DNAH11: variants seen among roughly 807,000 people sequenced by gnomAD.
DNAH11 encodes dynein axonemal heavy chain 11.
DNAH11 carries 442 observed loss-of-function variants against 526.0 expected under a neutral mutation model. The observed-to-expected ratio is 0.84, with a 90% CI of 0.78 to 0.91. The LOEUF is 0.91. Ranked by LOEUF, DNAH11 falls within the 40% of genes least tolerant of loss-of-function variation. The probability of loss-of-function intolerance (pLI) is 0.00; values close to 1 mark genes in which losing one functional copy is unlikely to be tolerated. For missense variants in DNAH11, 6,989 were observed against 5,448.7 expected (o/e 1.28, Z -8.90); for synonymous variants, 2,461 against 1,935.9 (o/e 1.27, Z -7.12).
In DNAH11 at chr7:21,683,936, AAC is replaced by A; in HGVS notation, c.5614_5615del (p.Thr1872Ter). 1 of 1,613,082 alleles carries A rather than the reference AAC, an allele frequency of 6.2e-7. No homozygotes were observed. The highest frequency in any genetic ancestry group is 8.5e-7 in the Non-Finnish European group (1 of 1,179,382). The stretch of plus-strand genomic sequence containing the variant: ...GCCCTCGACTAGTGATCACTCCTCT[AAC>A]TGACAGGTAACAATTCAAAGTTTCC... ...NSPRLVITPL[T>X]DRCYITLTQS... On this transcript the variant is annotated frameshift_variant, in exon 32 of 82. Transcript: ENST00000409508. LOFTEE classifies it high-confidence loss of function.
intron 61 of DNAH11, among the ~76,000 whole-genome samples, chr7:21,789,663 C>G (rs946230689): frequency 1.3e-5 from 2 of 152,072 alleles, no homozygotes; most frequent in Admixed American, 1.3e-4. Flanking sequence ...TATCTTGGCT[C>G]CACTGTTTAC....
At chr7:21,625,830 C>T (rs866834315) in intron 25 of DNAH11, among the ~76,000 whole-genome samples, 1 of 151,994 alleles carries the variant, frequency 6.6e-6, no homozygotes, top group African/African-American at 2.4e-5. Context: ...TTATTGATTT[C>T]TACTTTTATG....
chr7:21,802,276 C>T (rs1789028791), intron 62 of DNAH11, among the ~76,000 whole-genome samples: 1 of 152,056 alleles, frequency 6.6e-6, no homozygotes, highest in Non-Finnish European at 1.5e-5. Context: ...AAATTAAAAC[C>T]ACAACAAGAT....
chr7:21,726,162 G>A (rs559526775), intron 45 of DNAH11, among the ~76,000 whole-genome samples, 178 bp downstream of exon 45: 66 of 152,174 alleles, frequency 4.3e-4, no homozygotes, highest in South Asian at 1.2e-3. Flanking sequence ...AAAATCACAG[G>A]GGAAGGGGAA....
intron 14 of DNAH11, among the ~76,000 whole-genome samples, chr7:21,597,373 A>G (rs1442128471): frequency 1.3e-5 from 2 of 152,258 alleles, no homozygotes; most frequent in East Asian, 3.9e-4. Context: ...GCGACGCTGA[A>G]TGTGTATTAG....
intron 51 of DNAH11, among the ~76,000 whole-genome samples, chr7:21,745,941 T>G (rs1410698393): frequency 6.6e-6 from 1 of 152,202 alleles, no homozygotes; most frequent in African/African-American, 2.4e-5. Context: ...AAGGCAAGAA[T>G]GTTTGAGATA....
In DNAH11 at chr7:21,869,011, G is replaced by T; in HGVS notation, c.11967+20G>T. The stretch of plus-strand genomic sequence containing the variant: ...CTCCAAGTGAGTATTAAGTTTCAGG[G>T]AAGACACTGGGCATAAACACAGAGG... On this transcript the variant is annotated intron_variant, in intron 73 of 81. Transcript: ENST00000409508. 6.2e-7 allele frequency: 1 copy of T among 1,613,470 alleles called. No individual in the cohort carries two copies. The highest frequency in any genetic ancestry group is 1.3e-5 in the African/African-American group (1 of 75,046).
rs181792132 is a variant in DNAH11, at chr7:21,585,460, G to A, written c.1711-2604G>A. On this transcript the variant is annotated intron_variant, in intron 9 of 81. Coordinates refer to ENST00000409508, the MANE Select transcript of DNAH11 (RefSeq NM_001277115.2). ...TATTTATAGATGGTTCTCTGAAGAC[G>A]ACTATTCCAGTACCTGCTATTGTCA... 2.2e-3 allele frequency among the ~76,000 whole-genome samples: 341 copies of A among 152,230 alleles called. 1 individual carries two copies. The highest frequency in any genetic ancestry group is 7.9e-3 in the African/African-American group (327 of 41,532).
intron 65 of DNAH11, among the ~76,000 whole-genome samples, chr7:21,825,209 CAATT>C (rs1418845786): frequency 6.6e-6 from 1 of 152,076 alleles, no homozygotes; most frequent in East Asian, 1.9e-4. Flanking sequence ...GACTATTCCT[CAATT>C]TATTTAGCGT....
chr7:21,849,304 C>A (rs1281743283), intron 66 of DNAH11, among the ~76,000 whole-genome samples: 1 of 152,198 alleles, frequency 6.6e-6, no homozygotes, highest in Admixed American at 6.5e-5. Flanking sequence ...TTTCGTTTAT[C>A]CATAAGTTAT....
Position 21,570,315 on chromosome 7 carries a change from TTTTA to T in DNAH11, c.1425+23_1425+26del. ...AAAAATAGAGGTATTCATTTTTTGA[TTTTA>T]TTTATTCATGTTGAAGGTGGGTGCA... On this transcript the variant is annotated intron_variant, in intron 7 of 81. Transcript: ENST00000409508. 4.4e-6 allele frequency: 7 copies of T among 1,578,474 alleles called. No homozygotes were observed. The highest frequency in any genetic ancestry group is 6.0e-6 in the Non-Finnish European group (7 of 1,163,944).
intron 55 of DNAH11, among the ~76,000 whole-genome samples, chr7:21,772,296 T>A (rs1485491487): frequency 6.6e-6 from 1 of 151,682 alleles, no homozygotes; most frequent in Non-Finnish European, 1.5e-5. Flanking sequence ...CCAAGGAGCC[T>A]CCTCATAAGG....
chr7:21,664,490 G>A (rs1239998783), intron 30 of DNAH11, among the ~76,000 whole-genome samples: 1 of 151,690 alleles, frequency 6.6e-6, no homozygotes, highest in Admixed American at 6.6e-5. Flanking sequence ...AGACAGTCTT[G>A]CTCTTTTTCC....
chr7:21,794,887 G>A (rs1194210392), intron 61 of DNAH11, among the ~76,000 whole-genome samples: 7 of 152,270 alleles, frequency 4.6e-5, no homozygotes, highest in Admixed American at 6.5e-5. Flanking sequence ...TAGGAACTAC[G>A]AGTCTGGGGG....
intron 9 of DNAH11, 128 bp downstream of exon 9, chr7:21,582,149 A>G: frequency 1.7e-6 from 1 of 605,216 alleles, no homozygotes; most frequent in Non-Finnish European, 2.9e-6. Context: ...CTTCAAATTC[A>G]GCTCACTGAA....
chr7:21,598,809 T>G (rs11979504), intron 14 of DNAH11, among the ~76,000 whole-genome samples: 23,945 of 152,040 alleles, frequency 0.16, 1,939 homozygotes, highest in East Asian at 0.2. Context: ...TCATCATTTA[T>G]TTCCCACTTA....
intron 8 of DNAH11, among the ~76,000 whole-genome samples, chr7:21,581,169 C>T (rs1583499596): frequency 6.6e-6 from 1 of 152,184 alleles, no homozygotes; most frequent in Non-Finnish European, 1.5e-5. Context: ...GTGTGTACTT[C>T]AGAGGCCTTT....
intron 9 of DNAH11, 105 bp downstream of exon 9, chr7:21,582,126 C>G: frequency 2.9e-6 from 2 of 700,126 alleles, no homozygotes; most frequent in Non-Finnish European, 5.0e-6. Flanking sequence ...ACTAGGTTAA[C>G]TAGTCATATT....
intron 68 of DNAH11, among the ~76,000 whole-genome samples, chr7:21,855,429 A>G (rs1246717016): frequency 6.6e-6 from 1 of 152,252 alleles, no homozygotes; most frequent in Non-Finnish European, 1.5e-5. Context: ...CTAAAGAAAG[A>G]AAAATAATAA....
Sources: allele counts gnomAD v4.1 joint callset (sites outside exome capture counted in the v4.1 genomes callset), GRCh38; gene constraint gnomAD v4.1.1; transcripts MANE v1.5; gene names NCBI Gene and HGNC (gene_info 2026-07-23, HGNC 2026-07-21).